The following MEP1B variants were observed in gnomAD, a reference collection of about 807,000 sequenced individuals.
MEP1B encodes the protein meprin A subunit beta.
MEP1B carries 80 observed loss-of-function variants against 84.6 expected under a neutral mutation model. The observed-to-expected ratio is 0.95, with a 90% CI of 0.79 to 1.14. The LOEUF is 1.14. Ranked by LOEUF, MEP1B falls within the 50% of genes most tolerant of loss-of-function variation. MEP1B has a pLI of 0.00. For synonymous variants in MEP1B, 273 were observed against 288.1 expected (o/e 0.95, Z 0.53); for missense variants, 766 against 855.1 (o/e 0.90, Z 1.30).
intron 5 of MEP1B, among the ~76,000 whole-genome samples, chr18:32,197,723 T>C (rs1364297439): frequency 6.6e-6 from 1 of 152,218 alleles, no homozygotes; most frequent in African/African-American, 2.4e-5. Context: ...CCCAGCCTGT[T>C]ATAGTTTTTT....
rs1000914932 is a variant in MEP1B at position 32,196,096 on chromosome 18, G to A, written c.250+611G>A. ...GGAACCCAGGTCCTCTGGTGCCCCCGCTGGCTCGGGCTCGGTGGCCTTGGG... is the reference window on the plus strand; with the variant it reads ...GGAACCCAGGTCCTCTGGTGCCCCCACTGGCTCGGGCTCGGTGGCCTTGGG... On this transcript the variant is annotated intron_variant, in intron 5 of 14. Transcript: ENST00000269202. This position sits in a 1 kb window ranked among gnomAD's most constrained non-coding sequence, Gnocchi z 4.4. 7 of 471,864 alleles carry A rather than the reference G, an allele frequency of 1.5e-5. No homozygotes were observed. Among genetic ancestry groups the A allele is most frequent in the African/African-American group, 9.9e-5 (5 of 50,274 alleles). The allele number at this position is 471,864 out of a possible 1,614,324, so 29.2% of individuals were successfully genotyped here.
intron 9 of MEP1B, among the ~76,000 whole-genome samples, chr18:32,209,147 C>A (rs773958295): frequency 1.3e-5 from 2 of 152,208 alleles, no homozygotes; most frequent in Non-Finnish European, 2.9e-5. Context: ...ATGCCCAACA[C>A]AATTCCCTGC....
At position 32,196,589 on chromosome 18, in the gene MEP1B, G is replaced by A; in HGVS notation, c.250+1104G>A. 1.4e-6 allele frequency: 1 copy of A among 721,874 alleles called. No homozygotes were observed. Among genetic ancestry groups the A allele is most frequent in the Admixed American group, 1.8e-5 (1 of 54,842 alleles). The allele number at this position is 721,874 out of a possible 1,614,324, so 44.7% of individuals were successfully genotyped here. A position where few individuals can be genotyped will look rare whatever the true frequency, so the allele number is the denominator to read the frequency against. ...TGACGGCCAGCGCGTTGTCCAGGAA[G>A]CACAGCGACAGGTCGTACTCCATCA... On this transcript the variant is annotated intron_variant, in intron 5 of 14. Coordinates refer to ENST00000269202, the MANE Select transcript of MEP1B (RefSeq NM_005925.3). This position sits in a 1 kb window ranked among gnomAD's most constrained non-coding sequence, Gnocchi z 4.4.
intron 1 of MEP1B, among the ~76,000 whole-genome samples, chr18:32,190,823 CTG>C (rs2040795191): frequency 6.6e-6 from 1 of 152,022 alleles, no homozygotes; most frequent in African/African-American, 2.4e-5. Flanking sequence ...GAGTGTATGC[CTG>C]TGTGTGGTTA....
At chr18:32,197,689 G>A (rs2040869877) in intron 5 of MEP1B, among the ~76,000 whole-genome samples, 1 of 152,072 alleles carries the variant, frequency 6.6e-6, no homozygotes, top group Non-Finnish European at 1.5e-5. Context: ...CAAAGTGCTG[G>A]GATTACAGGT....
intron 10 of MEP1B, among the ~76,000 whole-genome samples, chr18:32,212,842 A>C (rs1160548704): frequency 6.6e-6 from 1 of 152,142 alleles, no homozygotes; most frequent in Non-Finnish European, 1.5e-5. Context: ...CTCATGAGCT[A>C]GATGTTGTTA....
intron 7 of MEP1B, among the ~76,000 whole-genome samples, chr18:32,205,151 A>G (rs1349318868): frequency 1.3e-5 from 2 of 152,208 alleles, no homozygotes; most frequent in African/African-American, 4.8e-5. Context: ...GCATTTCCCA[A>G]AATGATTTGA....
Position 32,207,398 on chromosome 18 carries a change from G to A in MEP1B, c.694G>A (p.Glu232Lys), listed in dbSNP as rs771924701. 1.2e-6 allele frequency: 2 copies of A among 1,613,462 alleles called. No individual in the cohort carries two copies. Among genetic ancestry groups the A allele is most frequent in the South Asian group, 2.2e-5 (2 of 90,896 alleles). ...PTIVTRISDF[E>K]DVIGQRMDFS... ...AATTGTCACAAGAATCTCAGACTTT[G>A]AGGATGTGATCGGCCAACGAATGGA... Residue 232 changes from glutamate to lysine, a missense_variant, in exon 8 of 15, where the codon GAG becomes AAG. Glu to Lys is a moderately conservative substitution (Grantham distance 56). Coordinates refer to ENST00000269202, the MANE Select transcript of MEP1B (RefSeq NM_005925.3).
chr18:32,201,366 C>A (rs960844113), intron 5 of MEP1B, among the ~76,000 whole-genome samples: 1 of 151,266 alleles, frequency 6.6e-6, no homozygotes, highest in African/African-American at 2.4e-5. Flanking sequence ...ATAGACCTTC[C>A]CATCTCAGCG....
chr18:32,194,495 T>C (rs2040833192), intron 4 of MEP1B, among the ~76,000 whole-genome samples: 1 of 151,884 alleles, frequency 6.6e-6, no homozygotes, highest in Non-Finnish European at 1.5e-5. Context: ...TCCTCCCCTC[T>C]TCCCTCCCCT....
At chr18:32,193,870 C>T (rs2040826669) in intron 4 of MEP1B, among the ~76,000 whole-genome samples, 1 of 152,168 alleles carries the variant, frequency 6.6e-6, no homozygotes, top group African/African-American at 2.4e-5. Flanking sequence ...CAAATGTCAT[C>T]TCCATGCCAA....
chr18:32,209,598 A>G (rs7245136), intron 9 of MEP1B, among the ~76,000 whole-genome samples: 45,720 of 151,980 alleles, frequency 0.3, 7,128 homozygotes, highest in African/African-American at 0.36. Flanking sequence ...ATGAAAGCAG[A>G]TAAGTGGGAG....
At chr18:32,191,239 T>G (rs1041813627) in intron 1 of MEP1B, among the ~76,000 whole-genome samples, 2 of 151,598 alleles carry the variant, frequency 1.3e-5, no homozygotes, top group African/African-American at 4.8e-5. Flanking sequence ...ACATGTAGTC[T>G]GAGTTTCATT....
chr18:32,195,359 T>C (rs772669631), intron 4 of MEP1B, 48 bp from the exon 5 acceptor site: 17 of 1,184,674 alleles, frequency 1.4e-5, no homozygotes, highest in Non-Finnish European at 1.9e-5. Context: ...GTTTCCTAAG[T>C]GTTTGCCTTA....
At chr18:32,215,888 T>A (rs1347568864) in intron 12 of MEP1B, among the ~76,000 whole-genome samples, 2 of 151,418 alleles carry the variant, frequency 1.3e-5, no homozygotes, top group South Asian at 4.2e-4. Flanking sequence ...AATAAAAATA[T>A]CACACAAGCA....
rs543815050 is a variant in MEP1B at position 32,198,936 on chromosome 18, T to C, written c.250+3451T>C. On this transcript the variant is annotated intron_variant, in intron 5 of 14. Coordinates refer to ENST00000269202, the MANE Select transcript of MEP1B (RefSeq NM_005925.3). Reference sequence around the variant, plus strand: ...ATCTAAAAGCTATTTGGGATGCATTTGTTAGATTTAGTGATTGACTGTAAG... The same window carrying C: ...ATCTAAAAGCTATTTGGGATGCATTCGTTAGATTTAGTGATTGACTGTAAG... 1.0e-3 allele frequency among the ~76,000 whole-genome samples: 157 copies of C among 152,226 alleles called. 1 individual carries two copies. Among genetic ancestry groups the C allele is most frequent in the African/African-American group, 3.2e-3 (133 of 41,544 alleles).
Position 32,210,486 on chromosome 18 carries a change from G to C in MEP1B, c.920-15G>C, listed in dbSNP as rs767983192. 1.2e-6 allele frequency: 2 copies of C among 1,609,158 alleles called. No individual in the cohort carries two copies. The highest frequency in any genetic ancestry group is 1.7e-6 in the Non-Finnish European group (2 of 1,176,460). Reference sequence around the variant, plus strand: ...CAGTATCTGTTTTTCTCTCAATTCTGCTTTTCTTTAACAGGTTCTGGTTTC... The same window carrying C: ...CAGTATCTGTTTTTCTCTCAATTCTCCTTTTCTTTAACAGGTTCTGGTTTC... On this transcript the variant is annotated splice_polypyrimidine_tract_variant and intron_variant, in intron 9 of 14. Transcript: ENST00000269202.
intron 4 of MEP1B, among the ~76,000 whole-genome samples, chr18:32,193,845 C>A (rs1309870326): frequency 6.6e-6 from 1 of 152,144 alleles, no homozygotes; most frequent in South Asian, 2.1e-4. Flanking sequence ...TTGATCTCAC[C>A]TTCGTCCAGG....
At chr18:32,219,603 GGATATTTCCCT>G (rs2041128776) in intron 14 of MEP1B, among the ~76,000 whole-genome samples, 1 of 152,070 alleles carries the variant, frequency 6.6e-6, no homozygotes, top group African/African-American at 2.4e-5. Context: ...GGGATTGCCA[GGATATTTCCCT>G]GACAATGAAT....
Sources: allele counts gnomAD v4.1 joint callset (sites outside exome capture counted in the v4.1 genomes callset), GRCh38; gene constraint gnomAD v4.1.1; non-coding constraint Gnocchi (gnomAD v3.1); transcripts MANE v1.5; gene names NCBI Gene and HGNC (gene_info 2026-07-23, HGNC 2026-07-21).